Variants in CDH23 observed in about 807,000 individuals in gnomAD.
CDH23 encodes the protein cadherin related 23, also known as cadherin-23.
In CDH23, 189 loss-of-function variants were observed where a neutral mutation model predicts 317.1. The ratio of observed to expected loss-of-function variants is 0.60; its 90% CI spans 0.53 to 0.67. CDH23 has a LOEUF of 0.67. Among genes scored for constraint, CDH23 ranks in the 30% least tolerant of loss-of-function variants. The pLI, the probability that CDH23 is intolerant of heterozygous loss-of-function variation, is 0.00. For synonymous variants in CDH23, 1,839 were observed against 1,876.8 expected, an observed-to-expected ratio of 0.98 and a Z score of 0.52; for missense variants, 4,401 against 4,592.4, an observed-to-expected ratio of 0.96 and a Z score of 1.20.
intron 1 of CDH23, among the ~76,000 whole-genome samples, chr10:71,424,860 T>A (rs777831671): frequency 7.0e-4 from 107 of 152,156 alleles, no homozygotes; most frequent in Non-Finnish European, 4.3e-4. Context: ...GTAAAGGGAC[T>A]GCTTCTGCCT....
At chr10:71,470,458 C>G (rs1564600703) in intron 3 of CDH23, among the ~76,000 whole-genome samples, 1 of 152,046 alleles carries the variant, frequency 6.6e-6, no homozygotes, top group Admixed American at 6.6e-5. Context: ...TTCCTCCTAC[C>G]CCCTAGCAAT....
intron 3 of CDH23, among the ~76,000 whole-genome samples, chr10:71,448,784 C>T (rs1338195092): frequency 6.6e-6 from 1 of 152,178 alleles, no homozygotes; most frequent in Non-Finnish European, 1.5e-5. Context: ...CTGGAGCCCT[C>T]TGCTGGGTGC....
chr10:71,751,969 C>A lies in CDH23; in HGVS notation c.4845+10048C>A. The A allele has an allele frequency of 8.4e-7, 1 of 1,194,294 alleles. No homozygotes were observed. 74.0% of individuals were successfully genotyped at this position (1,194,294 alleles called of 1,614,324 possible). On this transcript the variant is annotated intron_variant, in intron 38 of 69. Transcript: ENST00000224721. This position sits in a 1 kb window ranked among gnomAD's most constrained non-coding sequence, Gnocchi z 4.9. ...CCCTTTCTCTCACCTACATCCCCAT[C>A]CCCAAGCCTCAGCAGCATCTCCAAG...
At chr10:71,467,011 A>G (rs1589108592) in intron 3 of CDH23, among the ~76,000 whole-genome samples, 1 of 152,052 alleles carries the variant, frequency 6.6e-6, no homozygotes, top group East Asian at 1.9e-4. Flanking sequence ...GGTGTGCTCT[A>G]CTCAGGGTTG....
rs866275743 is a variant in CDH23, at chr10:71,495,560, C to T, written c.146-14522C>T. 5.3e-5 allele frequency among the ~76,000 whole-genome samples: 8 copies of T among 152,018 alleles called. No homozygotes were observed. The East Asian group carries it at 9.7e-4, about 18-fold the overall frequency. ...TTAGAAAAGAATCTTAAGCCGGGCA[C>T]GGTGGCTCACGCCTGTAATCCCAGC... On this transcript the variant is annotated intron_variant, in intron 3 of 69. Coordinates refer to ENST00000224721, the MANE Select transcript of CDH23 (RefSeq NM_022124.6).
Position 71,778,175 on chromosome 10 carries a change from C to T in CDH23, c.5068-14C>T. On this transcript the variant is annotated splice_polypyrimidine_tract_variant and intron_variant, in intron 39 of 69. Transcript: ENST00000224721. ...CCCCTAGATCCATCCTTGTCCCTTC[C>T]CTGTGTCCCCCAGGGTGTCATCACT... 1 of 1,613,842 alleles carries T rather than the reference C, an allele frequency of 6.2e-7. No homozygotes were observed. Among genetic ancestry groups the T allele is most frequent in the Non-Finnish European group, 8.5e-7 (1 of 1,179,852 alleles).
intron 28 of CDH23, among the ~76,000 whole-genome samples, chr10:71,720,077 G>A (rs1043459549): frequency 2.6e-5 from 4 of 152,164 alleles, no homozygotes; most frequent in South Asian, 2.1e-4. Flanking sequence ...TATGGTCGGC[G>A]GCAGCCAGAG....
At chr10:71,537,470 T>C (rs1328769944) in intron 6 of CDH23, among the ~76,000 whole-genome samples, 1 of 152,212 alleles carries the variant, frequency 6.6e-6, no homozygotes, top group Non-Finnish European at 1.5e-5. Flanking sequence ...ATATAAGACA[T>C]TTTTCTTGGT....
intron 62 of CDH23, 104 bp from the exon 63 acceptor site, chr10:71,811,211 C>A: frequency 6.4e-7 from 1 of 1,553,502 alleles, no homozygotes; most frequent in Non-Finnish European, 8.8e-7. Flanking sequence ...TCTTGCAAGG[C>A]TTGGGGTTGT....
Position 71,784,303 on chromosome 10 carries a change from T to C in CDH23, c.5385T>C (p.Ser1795=), listed in dbSNP as rs1841037687. Residue 1795 remains serine (S), a synonymous_variant, in exon 42 of 70, where the codon TCT becomes TCC. Coordinates refer to ENST00000224721, the MANE Select transcript of CDH23 (RefSeq NM_022124.6). The part of the protein sequence containing the change: ...DGDPLGEFVI[S]PVEGVLRVRK... ...GACACCCAGGGGAGTTTGTGATCTC[T>C]CCTGTGGAGGGGGTGCTAAGGGTCC... is the stretch of plus-strand genomic sequence containing the variant. The C allele has an allele frequency of 1.2e-6, 2 of 1,613,734 alleles. No homozygotes were observed. The highest frequency in any genetic ancestry group is 1.7e-6 in the Non-Finnish European group (2 of 1,179,720).
At chr10:71,549,299 A>G (rs1483471171) in intron 6 of CDH23, among the ~76,000 whole-genome samples, 1 of 152,258 alleles carries the variant, frequency 6.6e-6, no homozygotes, top group Non-Finnish European at 1.5e-5. Context: ...CTGTTTGCCA[A>G]AGGTCAGAAA....
chr10:71,510,832 G>T, intron 4 of CDH23, 122 bp from the exon 5 acceptor site: 1 of 878,988 alleles, frequency 1.1e-6, no homozygotes, highest in South Asian at 1.4e-5. Context: ...AAGCCTTTGG[G>T]TGCCTGGTTC....
rs183730088 is a variant in CDH23 at position 71,686,024 on chromosome 10, G to A, written c.1987-1623G>A. Among the ~76,000 whole-genome samples, 8 of 152,212 alleles carry A rather than the reference G, an allele frequency of 5.3e-5. No homozygotes were observed. In the East Asian group the frequency reaches 1.4e-3, roughly 26 times the overall value. On this transcript the variant is annotated intron_variant, in intron 18 of 69. Transcript: ENST00000224721. ...AACCACAGGGCTCCAGGAGGAGGAG[G>A]GGCCGGAGGGGCCAGGTGATTCTTT...
intron 3 of CDH23, among the ~76,000 whole-genome samples, chr10:71,451,434 C>A (rs1353388251): frequency 6.6e-6 from 1 of 152,204 alleles, no homozygotes; most frequent in African/African-American, 2.4e-5. Flanking sequence ...CCTGTCAGAC[C>A]TCGCCCCCAC....
At chr10:71,414,852 T>C (rs749690748) in intron 1 of CDH23, among the ~76,000 whole-genome samples, 2 of 152,244 alleles carry the variant, frequency 1.3e-5, no homozygotes, top group Non-Finnish European at 2.9e-5. Flanking sequence ...AGGAAAGTTA[T>C]AAAGTACAGT....
chr10:71,715,867 C>T (rs1333069926), intron 28 of CDH23: 6 of 1,386,422 alleles, frequency 4.3e-6, no homozygotes, highest in East Asian at 2.7e-5. Context: ...CCTGCAGCAC[C>T]GGTCTCTGAA....
chr10:71,594,183 T>C (rs977821357), intron 9 of CDH23, among the ~76,000 whole-genome samples: 27 of 152,180 alleles, frequency 1.8e-4, no homozygotes, highest in African/African-American at 6.3e-4. Context: ...AAGCAAAATG[T>C]TATCCCCCAC....
intron 11 of CDH23, among the ~76,000 whole-genome samples, chr10:71,629,356 T>G (rs1861897653): frequency 6.6e-6 from 1 of 151,918 alleles, no homozygotes; most frequent in Non-Finnish European, 1.5e-5. Context: ...CTGGGTGAAG[T>G]GAGAGGGCCC....
intron 3 of CDH23, among the ~76,000 whole-genome samples, chr10:71,465,798 G>A (rs776331652): frequency 1.3e-4 from 20 of 152,232 alleles, no homozygotes; most frequent in Non-Finnish European, 2.8e-4. Context: ...GCAAACGGCC[G>A]AAAGCCATTA....
Sources: gnomAD v4.1 joint callset for allele counts (sites outside exome capture counted in the v4.1 genomes callset) on GRCh38, gnomAD v4.1.1 for gene constraint, Gnocchi (gnomAD v3.1) non-coding constraint, MANE v1.5 for transcripts, NCBI Gene and HGNC (gene_info 2026-07-23, HGNC 2026-07-21) for gene names.